The following SLC39A12 variants were observed in gnomAD, a reference collection of about 807,000 sequenced individuals.
SLC39A12 encodes zinc transporter ZIP12.
Under a neutral mutation model 71.1 loss-of-function variants are expected in SLC39A12, and 63 were observed. That is an observed-to-expected ratio of 0.89 (90% confidence interval 0.72 to 1.09). The LOEUF (loss-of-function observed/expected upper bound fraction) is 1.09, where lower values mean the gene tolerates loss of function less well. SLC39A12 is among the 50% of genes least tolerant of loss of function. The pLI, the probability that SLC39A12 is intolerant of heterozygous loss-of-function variation, is 0.00. For synonymous variants in SLC39A12, 351 were observed against 301.3 expected, an observed-to-expected ratio of 1.16 and a Z score of -1.71; for missense variants, 892 against 812.6, an observed-to-expected ratio of 1.10 and a Z score of -1.19.
intron 4 of SLC39A12, among the ~76,000 whole-genome samples, chr10:17,968,707 G>A (rs993015701): frequency 8.5e-5 from 13 of 152,060 alleles, no homozygotes; most frequent in African/African-American, 2.9e-4. Flanking sequence ...TACATAAAAT[G>A]TTTTGCTACA....
intron 12 of SLC39A12, among the ~76,000 whole-genome samples, chr10:18,011,836 T>C (rs992766761): frequency 3.9e-5 from 6 of 152,244 alleles, no homozygotes; most frequent in Non-Finnish European, 8.8e-5. Context: ...AACTGCTTCA[T>C]GAATTGCCTT....
intron 12 of SLC39A12, among the ~76,000 whole-genome samples, chr10:18,027,487 G>T (rs1270556319): frequency 2.6e-5 from 4 of 152,206 alleles, no homozygotes; most frequent in Non-Finnish European, 5.9e-5. Context: ...GTGAGAACCC[G>T]TGGAGCTCCT....
rs982250358 is a variant in SLC39A12, at chr10:17,961,484, A to G, written c.262-97A>G. ...TGCCTGCTTTTCCTTTCTGTTTATA[A>G]AATGATAAGCAATGAAGACCCTGGT... On this transcript the variant is annotated intron_variant, in intron 2 of 12. Transcript: ENST00000377369. 42 of 1,210,486 alleles carry G rather than the reference A, an allele frequency of 3.5e-5. 1 individual carries two copies. In the Middle Eastern group the frequency reaches 2.3e-3, roughly 67 times the overall value. The allele number at this position is 1,210,486 out of a possible 1,614,324, so 75.0% of individuals were successfully genotyped here. A position where few individuals can be genotyped will look rare whatever the true frequency, so the allele number is the denominator to read the frequency against.
chr10:18,021,528 G>T (rs1564659703), intron 12 of SLC39A12, among the ~76,000 whole-genome samples: 1 of 151,864 alleles, frequency 6.6e-6, no homozygotes, highest in Non-Finnish European at 1.5e-5. Flanking sequence ...CTGTGAGATG[G>T]GTCTCTTCAA....
intron 3 of SLC39A12, among the ~76,000 whole-genome samples, chr10:17,962,129 G>A (rs1554848490): frequency 6.6e-6 from 1 of 152,206 alleles, no homozygotes; most frequent in Non-Finnish European, 1.5e-5. Context: ...CTTCTCCTGG[G>A]TCCCTCTGAG....
chr10:17,995,232 C>T (rs192455813), intron 9 of SLC39A12, among the ~76,000 whole-genome samples: 4 of 152,276 alleles, frequency 2.6e-5, no homozygotes, highest in Admixed American at 6.5e-5. Context: ...GTGTCTTTTC[C>T]ATCCAAAATA....
intron 12 of SLC39A12, among the ~76,000 whole-genome samples, chr10:18,025,913 A>G (rs768156379): frequency 1.5e-4 from 23 of 152,200 alleles, no homozygotes; most frequent in Non-Finnish European, 2.6e-4. Context: ...TTTACAACTA[A>G]TCCAAGTCTA....
At chr10:18,018,090 CT>C (rs138547049) in intron 12 of SLC39A12, among the ~76,000 whole-genome samples, 1 of 152,262 alleles carries the variant, frequency 6.6e-6, no homozygotes, top group East Asian at 1.9e-4. Context: ...TCATGTACGT[CT>C]TGTGCACATT....
chr10:18,036,443 AGGAAAG>A (rs1837022480), intron 12 of SLC39A12, among the ~76,000 whole-genome samples: 1 of 151,918 alleles, frequency 6.6e-6, no homozygotes, highest in Non-Finnish European at 1.5e-5. Flanking sequence ...TTCTTTGACT[AGGAAAG>A]GGAACTCCCT....
intron 8 of SLC39A12, among the ~76,000 whole-genome samples, chr10:17,992,799 A>G (rs942965005): frequency 6.6e-6 from 1 of 152,210 alleles, no homozygotes; most frequent in Non-Finnish European, 1.5e-5. Flanking sequence ...AAATAAAAGG[A>G]ATACGTATGT....
At chr10:18,031,237 T>C (rs1030136910) in intron 12 of SLC39A12, among the ~76,000 whole-genome samples, 1 of 146,432 alleles carries the variant, frequency 6.8e-6, no homozygotes, top group Non-Finnish European at 1.5e-5. Context: ...ACTTCCACAA[T>C]GGTTGAACTA....
At chr10:17,953,899 T>C (rs1456546290) in intron 2 of SLC39A12, among the ~76,000 whole-genome samples, 2 of 152,254 alleles carry the variant, frequency 1.3e-5, no homozygotes, top group African/African-American at 2.4e-5. Flanking sequence ...TGCTATTTGT[T>C]TGCTGGAGCA....
At position 17,968,109 on chromosome 10, in the gene SLC39A12, A is replaced by C. The variant is rs146087305; in HGVS notation, c.751+2419A>C. Among the ~76,000 whole-genome samples, 1,199 of 145,982 alleles carry C rather than the reference A, an allele frequency of 8.2e-3. 11 individuals carry two copies. Among genetic ancestry groups the C allele is most frequent in the Middle Eastern group, 0.024 (7 of 286 alleles). On this transcript the variant is annotated intron_variant, in intron 4 of 12. Coordinates refer to ENST00000377369, the MANE Select transcript of SLC39A12 (RefSeq NM_001145195.2). ...TGTGTGTTTCTAATTTTTATAGGTT[A>C]ATTTTATAACCTGCTTCATGATTAT... is the stretch of plus-strand genomic sequence containing the variant.
intron 12 of SLC39A12, among the ~76,000 whole-genome samples, chr10:18,034,169 A>G (rs377443194): frequency 9.9e-5 from 15 of 152,186 alleles, no homozygotes; most frequent in Non-Finnish European, 1.0e-4. Flanking sequence ...TATTAGGTCC[A>G]CTTGGTGCAG....
At chr10:18,010,943 C>T (rs1298249950) in intron 12 of SLC39A12, among the ~76,000 whole-genome samples, 1 of 152,168 alleles carries the variant, frequency 6.6e-6, no homozygotes, top group Non-Finnish European at 1.5e-5. Context: ...TTGTCCACTT[C>T]TACTTAACTA....
rs554473840 is a variant in SLC39A12 at position 17,989,245 on chromosome 10, T to C, written c.1269+1594T>C. On this transcript the variant is annotated intron_variant, in intron 7 of 12. Transcript: ENST00000377369. The stretch of plus-strand genomic sequence containing the variant: ...TTTCCACAAGCCTCTGGCAGTTTCC[T>C]GCAGGGTCACTCTTGTTGCTTCGAG... Among the ~76,000 whole-genome samples the C allele has an allele frequency of 3.9e-5, 6 of 152,368 alleles. No homozygotes were observed. The South Asian group carries it at 1.2e-3, about 32-fold the overall frequency.
intron 1 of SLC39A12, among the ~76,000 whole-genome samples, 166 bp from the exon 2 acceptor site, chr10:17,953,025 C>A (rs1834443527): frequency 6.6e-6 from 1 of 152,162 alleles, no homozygotes; most frequent in African/African-American, 2.4e-5. Context: ...TGAAAGTCTA[C>A]AGCCATGGTG....
chr10:18,023,995 G>A (rs986098530), intron 12 of SLC39A12, among the ~76,000 whole-genome samples: 1 of 152,214 alleles, frequency 6.6e-6, no homozygotes, highest in Non-Finnish European at 1.5e-5. Flanking sequence ...ACTGCAGCCT[G>A]AGGGCAGAAG....
rs1266759278 is a variant in SLC39A12, at chr10:17,981,374, T to G, written c.987T>G (p.Ser329=). ...IFLQKGLSLI[S]KEDFKQMSPG... is the part of the protein sequence containing the mutation. ...TACAGAAGGGCCTCTCACTCATTTC[T>G]AAGGAGGACTTTAAGCAAATGAGTC... The change falls in exon 6 of 13, where the codon TCT becomes TCG. Residue 329 remains serine, a synonymous_variant. Coordinates refer to ENST00000377369, the MANE Select transcript of SLC39A12 (RefSeq NM_001145195.2). 1 of 1,613,868 alleles carries G rather than the reference T, an allele frequency of 6.2e-7. No homozygotes were observed. The highest frequency in any genetic ancestry group is 1.7e-5 in the Admixed American group (1 of 60,024).
Sources: allele counts gnomAD v4.1 joint callset (sites outside exome capture counted in the v4.1 genomes callset), GRCh38; gene constraint gnomAD v4.1.1; transcripts MANE v1.5; gene names NCBI Gene and HGNC (gene_info 2026-07-23, HGNC 2026-07-21).